Variants in CFDP1 observed in about 807,000 individuals in gnomAD.
CFDP1 encodes the protein heterochromatin-stabilizing protein CFDP1.
In CFDP1, 31 loss-of-function variants were observed where a neutral mutation model predicts 40.1. That is an observed-to-expected ratio of 0.77 (90% CI 0.58 to 1.04). CFDP1 has a LOEUF of 1.04. Ranked by LOEUF, CFDP1 falls within the 50% of genes least tolerant of loss-of-function variation. CFDP1 has a pLI of 0.00. For synonymous variants in CFDP1, 167 were observed against 120.0 expected (o/e 1.39, Z -2.56); for missense variants, 423 against 343.4 (o/e 1.23, Z -1.83).
Position 75,294,000 on chromosome 16 carries a change from C to G in CFDP1, c.852G>C (p.Arg284Ser). The G allele has an allele frequency of 6.2e-7, 1 of 1,614,096 alleles. No individual in the cohort carries two copies. The highest frequency in any genetic ancestry group is 1.6e-4 in the Middle Eastern group (1 of 6,062). ...RKAFLDRVDH[R>S]QFEIERDLRL... Reference sequence around the variant, plus strand: ...TGAGATCTCGCTCAATTTCAAACTGCCTGTGATCCACTCGGTCAAGGAAGG... The same window carrying G: ...TGAGATCTCGCTCAATTTCAAACTGGCTGTGATCCACTCGGTCAAGGAAGG... The change falls in exon 7 of 7, where the codon AGG becomes AGC. Residue 284 changes from arginine to serine, a missense_variant. By Grantham distance (110) the Arg-to-Ser change is moderately radical (BLOSUM62 -1). Coordinates refer to ENST00000283882, the MANE Select transcript of CFDP1 (RefSeq NM_006324.3).
At chr16:75,346,128 T>C (rs2078562004) in intron 5 of CFDP1, among the ~76,000 whole-genome samples, 1 of 152,252 alleles carries the variant, frequency 6.6e-6, no homozygotes, top group Non-Finnish European at 1.5e-5. Context: ...TGCTGAATCC[T>C]CAGTGTTTAC....
At chr16:75,361,573 T>C (rs931261653) in intron 5 of CFDP1, among the ~76,000 whole-genome samples, 1 of 152,018 alleles carries the variant, frequency 6.6e-6, no homozygotes, top group Non-Finnish European at 1.5e-5. Flanking sequence ...GCTGAGATCA[T>C]GCCACTGCAC....
chr16:75,348,611 A>G (rs942229682), intron 5 of CFDP1, among the ~76,000 whole-genome samples: 1 of 151,958 alleles, frequency 6.6e-6, no homozygotes, highest in Non-Finnish European at 1.5e-5. Flanking sequence ...TAAAATTCAA[A>G]TTTTACTGCA....
intron 1 of CFDP1, among the ~76,000 whole-genome samples, chr16:75,419,618 T>G (rs977968269): frequency 2.6e-5 from 4 of 151,944 alleles, no homozygotes; most frequent in Non-Finnish European, 4.4e-5. Context: ...TCCCAGGAGG[T>G]TAAGGCATTC....
At chr16:75,366,391 A>C (rs2078713852) in intron 5 of CFDP1, among the ~76,000 whole-genome samples, 1 of 152,170 alleles carries the variant, frequency 6.6e-6, no homozygotes, top group Admixed American at 6.5e-5. Context: ...CTATAATTTC[A>C]GCACTTTGGG....
chr16:75,378,734 C>A (rs1022484056), intron 5 of CFDP1, among the ~76,000 whole-genome samples: 2 of 152,104 alleles, frequency 1.3e-5, no homozygotes, highest in Non-Finnish European at 2.9e-5. Flanking sequence ...GTGCAAGACA[C>A]AGACACTGAC....
chr16:75,374,688 A>T (rs2078778767), intron 5 of CFDP1, among the ~76,000 whole-genome samples: 1 of 152,150 alleles, frequency 6.6e-6, no homozygotes, highest in Non-Finnish European at 1.5e-5. Flanking sequence ...TGGGAACCAC[A>T]TACCTAGTTT....
intron 5 of CFDP1, among the ~76,000 whole-genome samples, chr16:75,333,910 G>T (rs1325833676): frequency 6.6e-6 from 1 of 152,184 alleles, no homozygotes; most frequent in East Asian, 1.9e-4. Context: ...AAATAAGGAA[G>T]GAAGTTATGG....
At chr16:75,407,897 C>A (rs1049597522) in intron 4 of CFDP1, among the ~76,000 whole-genome samples, 1 of 151,910 alleles carries the variant, frequency 6.6e-6, no homozygotes, top group Non-Finnish European at 1.5e-5. Flanking sequence ...CACCTCAGCC[C>A]AGAAGTTCGA....
intron 1 of CFDP1, among the ~76,000 whole-genome samples, chr16:75,417,272 T>G (rs7188604): frequency 0.52 from 78,877 of 152,098 alleles, 21,517 homozygotes; most frequent in Admixed American, 0.64. Flanking sequence ...TATATAATAG[T>G]TTATTCACTC....
At chr16:75,360,165 A>G (rs2078672101) in intron 5 of CFDP1, among the ~76,000 whole-genome samples, 1 of 152,158 alleles carries the variant, frequency 6.6e-6, no homozygotes, top group Non-Finnish European at 1.5e-5. Context: ...AAGTGCTGGG[A>G]TTACAGGCAT....
intron 5 of CFDP1, among the ~76,000 whole-genome samples, chr16:75,337,741 C>T (rs191217835): frequency 3.7e-4 from 56 of 152,212 alleles, no homozygotes; most frequent in African/African-American, 1.1e-3. Context: ...CTCACTATCA[C>T]GAAAACAGCA....
chr16:75,369,164 C>G (rs17696749), intron 5 of CFDP1, among the ~76,000 whole-genome samples: 73,926 of 151,872 alleles, frequency 0.49, 19,779 homozygotes, highest in Admixed American at 0.63. Flanking sequence ...GTCCTCCTCT[C>G]CTCAGTATAG....
At chr16:75,375,532 C>G (rs150087362) in intron 5 of CFDP1, among the ~76,000 whole-genome samples, 48 of 152,286 alleles carry the variant, frequency 3.2e-4, no homozygotes, top group African/African-American at 1.1e-3. Flanking sequence ...TGGCTCATGC[C>G]TGTAATCCCA....
At chr16:75,336,119 A>T (rs1358722691) in intron 5 of CFDP1, among the ~76,000 whole-genome samples, 1 of 152,194 alleles carries the variant, frequency 6.6e-6, no homozygotes, top group Non-Finnish European at 1.5e-5. Context: ...CATCATCAGA[A>T]TCAGTATCAC....
intron 5 of CFDP1, among the ~76,000 whole-genome samples, chr16:75,338,879 C>T (rs2078508292): frequency 6.6e-6 from 1 of 152,102 alleles, no homozygotes; most frequent in Admixed American, 6.5e-5. Flanking sequence ...TTGCGTGTTA[C>T]CAGAAGACTC....
chr16:75,338,239 G>C (rs977334359), intron 5 of CFDP1, among the ~76,000 whole-genome samples: 2 of 151,950 alleles, frequency 1.3e-5, no homozygotes, highest in South Asian at 2.1e-4. Flanking sequence ...TGTGAAGCAT[G>C]GGGGGGAAAA....
chr16:75,342,872 G>C (rs2078536321), intron 5 of CFDP1, among the ~76,000 whole-genome samples: 1 of 152,168 alleles, frequency 6.6e-6, no homozygotes, highest in South Asian at 2.1e-4. Flanking sequence ...GTAAAGGCTA[G>C]GGATGCTGCT....
intron 6 of CFDP1, among the ~76,000 whole-genome samples, chr16:75,299,916 C>T (rs2078210565): frequency 6.6e-6 from 1 of 152,034 alleles, no homozygotes; most frequent in South Asian, 2.1e-4. Context: ...CAAATCAGAG[C>T]CTCCTGGGGA....
Sources: allele counts gnomAD v4.1 joint callset (sites outside exome capture counted in the v4.1 genomes callset), GRCh38; gene constraint gnomAD v4.1.1; transcripts MANE v1.5; gene names NCBI Gene and HGNC (gene_info 2026-07-23, HGNC 2026-07-21).